WNT3: variants seen among roughly 807,000 people sequenced by gnomAD.
WNT3 encodes the protein Wnt family member 3.
In WNT3, 7 loss-of-function variants were observed where a neutral mutation model predicts 34.2. That is an observed-to-expected ratio of 0.20 (90% CI 0.12 to 0.38). The LOEUF is 0.38. Ranked by LOEUF, WNT3 falls within the 10% of genes least tolerant of loss-of-function variation. The pLI, the probability that WNT3 is intolerant of heterozygous loss-of-function variation, is 1.00. For synonymous variants in WNT3, 212 were observed against 211.5 expected (o/e 1.00, Z -0.02); for missense variants, 267 against 499.8 (o/e 0.53, Z 4.44).
intron 1 of WNT3, among the ~76,000 whole-genome samples, chr17:46,799,446 CTTTTTT>C (rs11319114): frequency 8.2e-6 from 1 of 121,562 alleles, no homozygotes; most frequent in Non-Finnish European, 1.7e-5. Flanking sequence ...ATTATTTCTA[CTTTTTT>C]TTTTTTTTTT....
intron 1 of WNT3, among the ~76,000 whole-genome samples, chr17:46,810,756 A>C (rs1479397496): frequency 6.6e-6 from 1 of 151,984 alleles, no homozygotes; most frequent in Non-Finnish European, 1.5e-5. Context: ...TACAGCCTCC[A>C]TGACTGCAAT....
chr17:46,769,054 C>T (rs1462836244), intron 3 of WNT3, among the ~76,000 whole-genome samples: 1 of 152,214 alleles, frequency 6.6e-6, no homozygotes, highest in Non-Finnish European at 1.5e-5. Flanking sequence ...TGCCCAGGCG[C>T]GGTGGTAATC....
At chr17:46,795,628 G>A (rs550096755) in intron 1 of WNT3, among the ~76,000 whole-genome samples, 173 of 152,322 alleles carry the variant, frequency 1.1e-3, no homozygotes, top group African/African-American at 3.7e-3. Flanking sequence ...GGCACACAGG[G>A]CCCTGTGCAA....
intron 1 of WNT3, among the ~76,000 whole-genome samples, chr17:46,811,477 G>A (rs1018176389): frequency 7.2e-5 from 11 of 152,314 alleles, no homozygotes; most frequent in East Asian, 5.8e-4. Flanking sequence ...CTGTGCTCAC[G>A]AGGGACAGGC....
At chr17:46,785,623 G>A (rs146142313) in intron 1 of WNT3, among the ~76,000 whole-genome samples, 44 of 152,344 alleles carry the variant, frequency 2.9e-4, no homozygotes, top group African/African-American at 1.0e-3. Context: ...TCAGGGCCAC[G>A]AGGGGCCTTC....
intron 1 of WNT3, among the ~76,000 whole-genome samples, chr17:46,779,402 G>A (rs1328837657): frequency 2.0e-5 from 3 of 152,128 alleles, no homozygotes; most frequent in African/African-American, 4.8e-5. Context: ...AGCTGGGCCA[G>A]GGGCTATTTA....
In WNT3 at chr17:46,764,499, C is replaced by A. The variant is rs904433599; in HGVS notation, c.*131G>T. On this transcript the variant is annotated 3_prime_UTR_variant, in exon 5 of 5. Coordinates refer to ENST00000225512, the MANE Select transcript of WNT3 (RefSeq NM_030753.5). ...CGAGTTGGGTCTGGGTCATTTACCA[C>A]GCGTGCGGCTGGTGACAGTTCCTTG... is the stretch of plus-strand genomic sequence containing the variant. 1 of 152,360 alleles carries A rather than the reference C, an allele frequency of 6.6e-6. No homozygotes were observed. Among genetic ancestry groups the A allele is most frequent in the African/African-American group, 2.4e-5 (1 of 41,454 alleles). 9.4% of individuals were successfully genotyped at this position (152,360 alleles called of 1,614,324 possible).
intron 1 of WNT3, among the ~76,000 whole-genome samples, chr17:46,801,078 T>C (rs1000809456): frequency 6.6e-6 from 1 of 152,182 alleles, no homozygotes; most frequent in Non-Finnish European, 1.5e-5. Context: ...CGTTATATCC[T>C]TTCATCCTCA....
intron 1 of WNT3, among the ~76,000 whole-genome samples, chr17:46,796,953 C>G (rs1295970903): frequency 6.6e-6 from 1 of 152,132 alleles, no homozygotes; most frequent in Non-Finnish European, 1.5e-5. Flanking sequence ...AATAAGACCA[C>G]AAAACCAAAC....
intron 1 of WNT3, among the ~76,000 whole-genome samples, chr17:46,793,896 T>G (rs562827771): frequency 1.3e-5 from 2 of 152,176 alleles, no homozygotes; most frequent in African/African-American, 4.8e-5. Context: ...CCAAATCCCA[T>G]GCTATCGCTA....
At position 46,763,041 on chromosome 17, in the gene WNT3, A is replaced by T. The variant is rs1263347132; in HGVS notation, c.*1589T>A. On this transcript the variant is annotated 3_prime_UTR_variant, in exon 5 of 5. Coordinates refer to ENST00000225512, the MANE Select transcript of WNT3 (RefSeq NM_030753.5). Reference sequence around the variant, plus strand: ...AGGGGGTGAGATGTGTATCTTTAGCAGGGCTTGTGGCCAGCAGATTTAGAA... The same window carrying T: ...AGGGGGTGAGATGTGTATCTTTAGCTGGGCTTGTGGCCAGCAGATTTAGAA... The T allele has an allele frequency of 6.6e-6, 1 of 152,174 alleles. No individual in the cohort carries two copies. The highest frequency in any genetic ancestry group is 1.5e-5 in the Non-Finnish European group (1 of 68,032). The allele number at this position is 152,174 out of a possible 1,614,324, so 9.4% of individuals were successfully genotyped here.
intron 1 of WNT3, among the ~76,000 whole-genome samples, chr17:46,789,457 G>C (rs1960605542): frequency 6.6e-6 from 1 of 152,318 alleles, no homozygotes; most frequent in Admixed American, 6.5e-5. Context: ...CCAGGAAACT[G>C]GATCATTAAA....
chr17:46,766,611 A>T (rs2059315531), intron 4 of WNT3, among the ~76,000 whole-genome samples: 1 of 152,096 alleles, frequency 6.6e-6, no homozygotes, highest in Admixed American at 6.5e-5. Context: ...CCCCACCAGG[A>T]CAGAACTTGA....
At chr17:46,770,162 C>G in intron 2 of WNT3, 114 bp from the exon 3 acceptor site, 1 of 1,370,490 alleles carries the variant, frequency 7.3e-7, no homozygotes, top group Non-Finnish European at 9.6e-7. Flanking sequence ...AGTTGAAGAG[C>G]TCACCAGCCC....
chr17:46,775,752 T>C, intron 1 of WNT3, among the ~76,000 whole-genome samples: 1 of 151,764 alleles, frequency 6.6e-6, no homozygotes, highest in South Asian at 2.1e-4. Flanking sequence ...TAGCTGGGAC[T>C]ACAGGTGCCC....
chr17:46,777,555 G>A (rs56857849), intron 1 of WNT3, among the ~76,000 whole-genome samples: 6 of 152,250 alleles, frequency 3.9e-5, no homozygotes, highest in East Asian at 1.9e-4. Flanking sequence ...CTGTGCAGAC[G>A]CAGTCTCTCC....
rs144580810 is a variant in WNT3, at chr17:46,801,641, T to C, written c.80+16877A>G. Among the ~76,000 whole-genome samples, 43 of 147,648 alleles carry C rather than the reference T, an allele frequency of 2.9e-4. No homozygotes were observed. The East Asian group carries it at 6.4e-3, about 22-fold the overall frequency. On this transcript the variant is annotated intron_variant, in intron 1 of 4. Coordinates refer to ENST00000225512, the MANE Select transcript of WNT3 (RefSeq NM_030753.5). ...TCTTGAAAAACAAATTGAATTGAATTGAATTAAATTAAATTAAATTAAAAT... is the reference window on the plus strand; with the variant it reads ...TCTTGAAAAACAAATTGAATTGAATCGAATTAAATTAAATTAAATTAAAAT...
chr17:46,774,027 G>C, intron 1 of WNT3, 118 bp from the exon 2 acceptor site: 1 of 1,423,232 alleles, frequency 7.0e-7, no homozygotes, highest in African/African-American at 1.4e-5. Flanking sequence ...CCTGTGCCCT[G>C]GCACCTGAAT....
intron 1 of WNT3, among the ~76,000 whole-genome samples, chr17:46,807,156 C>A (rs2146455078): frequency 6.6e-6 from 1 of 152,294 alleles, no homozygotes; most frequent in Non-Finnish European, 1.5e-5. Context: ...AAGACAAGAC[C>A]TTTGTAGACT....
Sources: gnomAD v4.1 joint callset for allele counts (sites outside exome capture counted in the v4.1 genomes callset) on GRCh38, gnomAD v4.1.1 for gene constraint, MANE v1.5 for transcripts, NCBI Gene and HGNC (gene_info 2026-07-23, HGNC 2026-07-21) for gene names.